Variants in SPMIP7 observed in about 807,000 individuals in gnomAD.
SPMIP7 encodes the protein protein SPMIP7.
chr7:50,145,817 G>A, the SPMIP7 span, among the ~76,000 whole-genome samples: 10 of 151,040 alleles, frequency 6.6e-5, no homozygotes, highest in Non-Finnish European at 7.4e-5. Flanking sequence ...AGCACTTGCA[G>A]TCACCATTTG....
the SPMIP7 span, among the ~76,000 whole-genome samples, chr7:50,118,068 C>A: frequency 6.6e-6 from 1 of 152,176 alleles, no homozygotes; most frequent in Non-Finnish European, 1.5e-5. Context: ...TTAGGATACA[C>A]AATTTGAATA....
the SPMIP7 span, among the ~76,000 whole-genome samples, chr7:50,110,901 AT>A: frequency 7.8e-6 from 1 of 127,882 alleles, no homozygotes; most frequent in Non-Finnish European, 1.6e-5. Flanking sequence ...ATAATATATG[AT>A]TATATATAAA....
At chr7:50,110,494 C>T in the SPMIP7 span, among the ~76,000 whole-genome samples, 1 of 143,364 alleles carries the variant, frequency 7.0e-6, no homozygotes, top group East Asian at 2.0e-4. Context: ...ATATTATGTG[C>T]TATACATTAT....
At chr7:50,153,548 G>A in the SPMIP7 span, among the ~76,000 whole-genome samples, 2 of 152,228 alleles carry the variant, frequency 1.3e-5, no homozygotes, top group South Asian at 4.1e-4. Flanking sequence ...GACAAAAAAT[G>A]TCTTAACACT....
chr7:50,107,506 G>C, the SPMIP7 span, among the ~76,000 whole-genome samples: 1 of 151,528 alleles, frequency 6.6e-6, no homozygotes, highest in Non-Finnish European at 1.5e-5. Flanking sequence ...GATACAGTTA[G>C]AGAGGTAATT....
chr7:50,097,719 C>T, the SPMIP7 span, among the ~76,000 whole-genome samples: 1 of 146,750 alleles, frequency 6.8e-6, no homozygotes, highest in Non-Finnish European at 1.5e-5. Context: ...AGTGAAACTT[C>T]GTAAGATAAT....
chr7:50,152,096 C>T, the SPMIP7 span, among the ~76,000 whole-genome samples: 4 of 152,234 alleles, frequency 2.6e-5, no homozygotes, highest in Non-Finnish European at 2.9e-5. Context: ...GCCTGTAATC[C>T]CAGCACTTTG....
chr7:50,104,282 C>T, the SPMIP7 span: 1 of 1,223,520 alleles, frequency 8.2e-7, no homozygotes, highest in South Asian at 1.6e-5. Context: ...TGTTTTTAAC[C>T]AAAATCCCAT....
the SPMIP7 span, chr7:50,136,193 A>C: frequency 1.4e-6 from 2 of 1,463,572 alleles, no homozygotes; most frequent in Admixed American, 2.0e-5. Flanking sequence ...AAGTTCTCAC[A>C]CTAGGTTTCT....
chr7:50,125,331 T>C, the SPMIP7 span, among the ~76,000 whole-genome samples: 2 of 146,024 alleles, frequency 1.4e-5, no homozygotes, highest in Non-Finnish European at 3.0e-5. Context: ...TATATACACA[T>C]ATATATACAT....
chr7:50,143,308 G>A, the SPMIP7 span, among the ~76,000 whole-genome samples: 1 of 151,952 alleles, frequency 6.6e-6, no homozygotes, highest in Non-Finnish European at 1.5e-5. Flanking sequence ...GGAATTACAG[G>A]TGCACACCAC....
chr7:50,121,711 T>C, the SPMIP7 span, among the ~76,000 whole-genome samples: 1 of 152,134 alleles, frequency 6.6e-6, no homozygotes, highest in Admixed American at 6.5e-5. Flanking sequence ...TGGAGTGCAA[T>C]GGCATGATCT....
At chr7:50,158,961 G>C in the SPMIP7 span, 2 of 1,403,854 alleles carry the variant, frequency 1.4e-6, no homozygotes, top group Admixed American at 4.1e-5. Context: ...TTCCCGCACA[G>C]GGGTATCATT....
At chr7:50,138,252 T>C in the SPMIP7 span, among the ~76,000 whole-genome samples, 1 of 152,182 alleles carries the variant, frequency 6.6e-6, no homozygotes, top group African/African-American at 2.4e-5. Context: ...TCTTACTAAA[T>C]AGTTTAATGA....
the SPMIP7 span, among the ~76,000 whole-genome samples, chr7:50,106,048 A>G: frequency 1.3e-5 from 2 of 152,234 alleles, no homozygotes; most frequent in East Asian, 1.9e-4. Flanking sequence ...ATCTAAAATA[A>G]GTTTAGACTT....
At chr7:50,103,825 T>C in the SPMIP7 span, among the ~76,000 whole-genome samples, 1 of 152,216 alleles carries the variant, frequency 6.6e-6, no homozygotes, top group African/African-American at 2.4e-5. Flanking sequence ...TATCTACTTA[T>C]ATGTTTGTAC....
chr7:50,134,033 A>G, the SPMIP7 span: 40 of 1,304,750 alleles, frequency 3.1e-5, no homozygotes, highest in Non-Finnish European at 4.2e-5. Flanking sequence ...TTCTCTTATC[A>G]TAGTATCATA....
chr7:50,158,443 C>T, the SPMIP7 span, among the ~76,000 whole-genome samples: 3 of 148,798 alleles, frequency 2.0e-5, no homozygotes, highest in Non-Finnish European at 3.0e-5. Flanking sequence ...GGGTGAGGCC[C>T]GGGCCCCTCC....
the SPMIP7 span, chr7:50,096,676 C>G: frequency 1.4e-6 from 2 of 1,444,382 alleles, no homozygotes; most frequent in South Asian, 2.9e-5. Context: ...TTTTTAAATG[C>G]TCAAGGGAAG....
Sources: gnomAD v4.1 joint callset for allele counts (sites outside exome capture counted in the v4.1 genomes callset) on GRCh38, gnomAD v4.1.1 for gene constraint, MANE v1.5 for transcripts, NCBI Gene and HGNC (gene_info 2026-07-23, HGNC 2026-07-21) for gene names.